DOK6: variants seen among roughly 807,000 people sequenced by gnomAD.
DOK6 encodes the protein docking protein 6.
A neutral mutation model predicts 44.0 loss-of-function variants in DOK6; 22 were observed. The ratio of observed to expected loss-of-function variants is 0.50; its 90% CI spans 0.36 to 0.71. The LOEUF (loss-of-function observed/expected upper bound fraction) is 0.71, where lower values mean the gene tolerates loss of function less well. Ranked by LOEUF, DOK6 falls within the 30% of genes least tolerant of loss-of-function variation. The pLI is 0.00. For synonymous variants in DOK6, 166 were observed against 145.5 expected (o/e 1.14, Z -1.01); for missense variants, 340 against 416.4 (o/e 0.82, Z 1.60).
At chr18:69,477,476 T>A (rs17184789) in intron 1 of DOK6, among the ~76,000 whole-genome samples, 28,001 of 152,094 alleles carry the variant, frequency 0.18, 3,102 homozygotes, top group Non-Finnish European at 0.23. Context: ...CAAGAGGGAG[T>A]CTAGCTGTAC....
intron 1 of DOK6, among the ~76,000 whole-genome samples, chr18:69,562,134 C>A (rs1410204455): frequency 6.6e-6 from 1 of 152,094 alleles, no homozygotes; most frequent in Non-Finnish European, 1.5e-5. Context: ...CATTTTATTA[C>A]CTTGTCTTTA....
chr18:69,637,290 G>T (rs918559316), intron 3 of DOK6, among the ~76,000 whole-genome samples: 3 of 152,224 alleles, frequency 2.0e-5, no homozygotes, highest in African/African-American at 7.2e-5. Flanking sequence ...TCACGGTCAC[G>T]TGAGTTTAGG....
At chr18:69,813,220 T>C (rs1027688846) in intron 7 of DOK6, among the ~76,000 whole-genome samples, 15 of 152,128 alleles carry the variant, frequency 9.9e-5, no homozygotes, top group Non-Finnish European at 2.2e-4. Flanking sequence ...GTTCCAAAAT[T>C]TGAGGTGCCC....
chr18:69,523,450 A>G (rs1000622583), intron 1 of DOK6, among the ~76,000 whole-genome samples: 11 of 152,194 alleles, frequency 7.2e-5, no homozygotes, highest in African/African-American at 2.6e-4. Context: ...CAGATTGAAA[A>G]TAATTACCTT....
At chr18:69,718,979 C>A (rs1317510435) in intron 5 of DOK6, among the ~76,000 whole-genome samples, 1 of 151,962 alleles carries the variant, frequency 6.6e-6, no homozygotes, top group Non-Finnish European at 1.5e-5. Flanking sequence ...TATTCTAGAT[C>A]TCAATAAGTC....
At chr18:69,549,852 C>G (rs145928907) in intron 1 of DOK6, among the ~76,000 whole-genome samples, 1 of 140,394 alleles carries the variant, frequency 7.1e-6, no homozygotes, top group Admixed American at 7.4e-5. Context: ...TCTAAGAAAA[C>G]GTGGGGAAGA....
chr18:69,730,446 T>A (rs1006709451), intron 5 of DOK6, among the ~76,000 whole-genome samples: 1 of 152,258 alleles, frequency 6.6e-6, no homozygotes, highest in Non-Finnish European at 1.5e-5. Flanking sequence ...GTATGAACTA[T>A]AATGAGACTA....
intron 1 of DOK6, chr18:69,470,136 G>A (rs1050193434): frequency 1.9e-5 from 3 of 155,894 alleles, no homozygotes; most frequent in African/African-American, 7.2e-5. Context: ...AACTTCACAA[G>A]AGGAATGGTG....
intron 7 of DOK6, among the ~76,000 whole-genome samples, chr18:69,801,334 T>C (rs1306139914): frequency 6.6e-6 from 1 of 152,206 alleles, no homozygotes; most frequent in African/African-American, 2.4e-5. Flanking sequence ...CCTGATCTTT[T>C]GTTTGTTTGC....
chr18:69,474,628 C>T (rs956423546), intron 1 of DOK6, among the ~76,000 whole-genome samples: 13 of 152,206 alleles, frequency 8.5e-5, no homozygotes, highest in African/African-American at 1.7e-4. Context: ...TGCCATTTTT[C>T]GATTTTGAAC....
chr18:69,716,749 T>TA (rs1011379323), intron 5 of DOK6, among the ~76,000 whole-genome samples: 3 of 151,540 alleles, frequency 2.0e-5, no homozygotes, highest in African/African-American at 4.8e-5. Context: ...ACTGGCTTTT[T>TA]AAAAAAATTG....
intron 5 of DOK6, among the ~76,000 whole-genome samples, chr18:69,715,260 T>G (rs1299550877): frequency 1.3e-5 from 2 of 152,148 alleles, no homozygotes; most frequent in Non-Finnish European, 2.9e-5. Flanking sequence ...TGACACTTAA[T>G]TTAGAATTAA....
chr18:69,663,707 A>G (rs774779851), intron 3 of DOK6, among the ~76,000 whole-genome samples: 2 of 152,204 alleles, frequency 1.3e-5, no homozygotes, highest in Admixed American at 1.3e-4. Flanking sequence ...AGCTTTTAAT[A>G]AAATTGAACA....
chr18:69,848,806 G>A lies in DOK6; in HGVS notation c.*7423G>A, dbSNP rs890779501. On this transcript the variant is annotated 3_prime_UTR_variant, in exon 8 of 8. Coordinates refer to ENST00000382713, the MANE Select transcript of DOK6 (RefSeq NM_152721.6). ...ATTAAAGTTTGCTCCATCACTTAAA[G>A]GTAAAGCAGTTCAAAAATACTACTT... The A allele has an allele frequency of 1.3e-5, 2 of 152,098 alleles. No individual in the cohort carries two copies. The highest frequency in any genetic ancestry group is 1.3e-4 in the Admixed American group (2 of 15,282). 9.4% of individuals were successfully genotyped at this position (152,098 alleles called of 1,614,324 possible). A position where few individuals can be genotyped will look rare whatever the true frequency, so the allele number is the denominator to read the frequency against.
chr18:69,758,844 C>G (rs1979446815), intron 7 of DOK6, among the ~76,000 whole-genome samples: 1 of 152,180 alleles, frequency 6.6e-6, no homozygotes, highest in Non-Finnish European at 1.5e-5. Flanking sequence ...TCACTATTAA[C>G]AATGCTGTAA....
chr18:69,834,705 T>A (rs985648550), intron 7 of DOK6, among the ~76,000 whole-genome samples: 2 of 152,212 alleles, frequency 1.3e-5, no homozygotes, highest in Non-Finnish European at 2.9e-5. Context: ...ATAGTAAGTT[T>A]ATTTATTACA....
intron 1 of DOK6, among the ~76,000 whole-genome samples, chr18:69,551,371 T>G (rs985256799): frequency 1.1e-4 from 17 of 152,218 alleles, no homozygotes; most frequent in Admixed American, 1.1e-3. Flanking sequence ...GTGCTGTGTA[T>G]TTTTGAAATG....
chr18:69,667,110 A>G (rs1985679857), intron 3 of DOK6, among the ~76,000 whole-genome samples: 1 of 152,174 alleles, frequency 6.6e-6, no homozygotes, highest in African/African-American at 2.4e-5. Context: ...TGTCAGCTAC[A>G]TGCTCTTTCT....
intron 7 of DOK6, among the ~76,000 whole-genome samples, chr18:69,838,540 A>G (rs1212100407): frequency 2.6e-5 from 4 of 152,152 alleles, no homozygotes; most frequent in Admixed American, 6.5e-5. Flanking sequence ...TGGTGGCAGC[A>G]CTTAGCATGG....
Sources: gnomAD v4.1 joint callset for allele counts (sites outside exome capture counted in the v4.1 genomes callset) on GRCh38, gnomAD v4.1.1 for gene constraint, MANE v1.5 for transcripts, NCBI Gene and HGNC (gene_info 2026-07-23, HGNC 2026-07-21) for gene names.